Variants in DCAF5 observed in about 807,000 individuals in gnomAD.
DCAF5 encodes DDB1- and CUL4-associated factor 5.
A neutral mutation model predicts 80.7 loss-of-function variants in DCAF5; 9 were observed. The observed-to-expected ratio is 0.11, with a 90% CI of 0.07 to 0.19. The LOEUF is 0.19. Ranked by LOEUF, DCAF5 falls within the 10% of genes least tolerant of loss-of-function variation. The pLI, the probability that DCAF5 is intolerant of heterozygous loss-of-function variation, is 1.00. For synonymous variants in DCAF5, 433 were observed against 461.9 expected, an observed-to-expected ratio of 0.94 and a Z score of 0.80; for missense variants, 842 against 1,205.7, an observed-to-expected ratio of 0.70 and a Z score of 4.47.
chr14:69,088,934 T>C (rs144148659), intron 6 of DCAF5, among the ~76,000 whole-genome samples: 1 of 152,228 alleles, frequency 6.6e-6, no homozygotes, highest in South Asian at 2.1e-4. Flanking sequence ...TCAGAGCCTA[T>C]AAATCACCTT....
chr14:69,143,578 T>TA (rs1555381607), intron 1 of DCAF5, among the ~76,000 whole-genome samples: 1 of 148,538 alleles, frequency 6.7e-6, no homozygotes, highest in South Asian at 2.1e-4. Context: ...TTTTTTTTTT[T>TA]ACAAACAGCA....
chr14:69,102,591 G>GACACACACACAC (rs143602483), intron 5 of DCAF5, among the ~76,000 whole-genome samples: 1,413 of 124,886 alleles, frequency 0.011, 20 homozygotes, highest in African/African-American at 0.033. Context: ...TAAAAACAAA[G>GACACACACACAC]ACACACACAC....
intron 1 of DCAF5, among the ~76,000 whole-genome samples, chr14:69,140,980 A>T (rs2041353685): frequency 6.6e-6 from 1 of 151,882 alleles, no homozygotes; most frequent in South Asian, 2.1e-4. Flanking sequence ...CTAAAAGTAC[A>T]AAAATTAGCC....
chr14:69,112,902 C>T (rs10083451), intron 5 of DCAF5, among the ~76,000 whole-genome samples: 47,189 of 152,042 alleles, frequency 0.31, 9,483 homozygotes, highest in East Asian at 0.9. Flanking sequence ...GCCTATACTT[C>T]CTACACTAAA....
intron 5 of DCAF5, among the ~76,000 whole-genome samples, chr14:69,111,336 G>A (rs1226552046): frequency 6.6e-6 from 1 of 152,182 alleles, no homozygotes; most frequent in East Asian, 1.9e-4. Context: ...GTAGGAACTT[G>A]CTCTCATTGC....
intron 1 of DCAF5, among the ~76,000 whole-genome samples, chr14:69,127,621 G>A (rs1056340674): frequency 2.9e-4 from 44 of 152,094 alleles, no homozygotes; most frequent in African/African-American, 9.9e-4. Context: ...GAACTCTAAG[G>A]TTCATTTTTT....
rs1457886155 is a variant in DCAF5, at chr14:69,153,044, T to C, written c.-66A>G. The stretch of plus-strand genomic sequence containing the variant: ...CCTCGGCCTCACGCGCGGCCGCTGC[T>C]CCCCCCACCCGGCCCTCCCCCCGCG... On this transcript the variant is annotated 5_prime_UTR_variant, in exon 1 of 9. Coordinates refer to ENST00000341516, the MANE Select transcript of DCAF5 (RefSeq NM_003861.3). The C allele has an allele frequency of 2.3e-5, 29 of 1,262,602 alleles. No homozygotes were observed. The highest frequency in any genetic ancestry group is 3.0e-5 in the Non-Finnish European group (29 of 968,142). 78.2% of individuals were successfully genotyped at this position (1,262,602 alleles called of 1,614,324 possible). A position where few individuals can be genotyped will look rare whatever the true frequency, so the allele number is the denominator to read the frequency against.
At chr14:69,091,570 T>C (rs562065126) in intron 6 of DCAF5, 104 bp downstream of exon 6, 108 of 1,067,326 alleles carry the variant, frequency 1.0e-4, no homozygotes, top group Non-Finnish European at 1.4e-4. Flanking sequence ...TCCCCTTAAT[T>C]GTTTCTACCT....
At position 69,118,072 on chromosome 14, in the gene DCAF5, G is replaced by C; in HGVS notation, c.535+67C>G. 1.3e-6 allele frequency: 2 copies of C among 1,586,106 alleles called. No individual in the cohort carries two copies. The highest frequency in any genetic ancestry group is 1.1e-5 in the South Asian group (1 of 88,540). On this transcript the variant is annotated intron_variant, in intron 4 of 8. Coordinates refer to ENST00000341516, the MANE Select transcript of DCAF5 (RefSeq NM_003861.3). This position sits in a 1 kb window ranked among gnomAD's most constrained non-coding sequence, Gnocchi z 4.0. ...ACATAGATACTGAGGTAATAAATTGGATCTTCAATGAATCTGACATCAAAC... is the reference window on the plus strand; with the variant it reads ...ACATAGATACTGAGGTAATAAATTGCATCTTCAATGAATCTGACATCAAAC...
chr14:69,153,077 C>A lies in DCAF5; in HGVS notation c.-99G>T. On this transcript the variant is annotated 5_prime_UTR_variant, in exon 1 of 9. Coordinates refer to ENST00000341516, the MANE Select transcript of DCAF5 (RefSeq NM_003861.3). ...CCCGGCCCTCCCCCCGCGCTGCGAT[C>A]CGGATGGTTCTTTAACCAGCCATGG... 1 of 974,458 alleles carries A rather than the reference C, an allele frequency of 1.0e-6. No homozygotes were observed. Among genetic ancestry groups the A allele is most frequent in the Non-Finnish European group, 1.4e-6 (1 of 711,578 alleles). The allele number at this position is 974,458 out of a possible 1,614,324, so 60.4% of individuals were successfully genotyped here. A position where few individuals can be genotyped will look rare whatever the true frequency, so the allele number is the denominator to read the frequency against.
chr14:69,067,860 C>CT (rs1195905924), intron 7 of DCAF5, among the ~76,000 whole-genome samples: 2 of 152,118 alleles, frequency 1.3e-5, no homozygotes, highest in Non-Finnish European at 2.9e-5. Context: ...TGGTCTCAAT[C>CT]TCTTGACCTC....
rs1245042163 is a variant in DCAF5 at position 69,051,972 on chromosome 14, G to A, written c.*1885C>T. ...TTACAATTATCTGTGAATAGTCAAA[G>A]ACAAATCATAGAACCAATCTGATTA... On this transcript the variant is annotated 3_prime_UTR_variant, in exon 9 of 9. Transcript: ENST00000341516. The A allele has an allele frequency of 6.6e-6, 1 of 152,536 alleles. No homozygotes were observed. The highest frequency in any genetic ancestry group is 1.5e-5 in the Non-Finnish European group (1 of 68,024). The allele number at this position is 152,536 out of a possible 1,614,324, so 9.4% of individuals were successfully genotyped here. A position where few individuals can be genotyped will look rare whatever the true frequency, so the allele number is the denominator to read the frequency against.
chr14:69,143,336 T>C (rs568928922), intron 1 of DCAF5, among the ~76,000 whole-genome samples: 75 of 152,292 alleles, frequency 4.9e-4, no homozygotes, highest in South Asian at 1.0e-3. Flanking sequence ...AGACCCAACC[T>C]GGAAATCTAG....
At chr14:69,143,805 T>C (rs1444701645) in intron 1 of DCAF5, 2 of 152,296 alleles carry the variant, frequency 1.3e-5, no homozygotes, top group Admixed American at 6.5e-5. Context: ...ATCATGGTTA[T>C]AAAAAAATCT....
intron 1 of DCAF5, 67 bp from the exon 2 acceptor site, chr14:69,122,427 C>A: frequency 6.4e-7 from 1 of 1,553,550 alleles, no homozygotes; most frequent in Non-Finnish European, 8.8e-7. Context: ...ATGGTTTTGC[C>A]AGCCTTGAAT....
intron 1 of DCAF5, among the ~76,000 whole-genome samples, chr14:69,130,303 G>T (rs751288417): frequency 2.0e-5 from 3 of 152,130 alleles, no homozygotes; most frequent in Non-Finnish European, 4.4e-5. Context: ...CAGAAGTCTG[G>T]TTAAAATTAT....
intron 1 of DCAF5, among the ~76,000 whole-genome samples, chr14:69,125,136 C>T (rs2040837299): frequency 6.6e-6 from 1 of 152,136 alleles, no homozygotes. Context: ...TATTCTATAG[C>T]CCCGACTCTT....
intron 8 of DCAF5, among the ~76,000 whole-genome samples, chr14:69,060,426 T>C (rs2038162048): frequency 6.6e-6 from 1 of 152,162 alleles, no homozygotes; most frequent in African/African-American, 2.4e-5. Context: ...CACGGGGAAA[T>C]GTGTGCTGCA....
Position 69,118,372 on chromosome 14 carries a change from A to G in DCAF5, c.396-94T>C, listed in dbSNP as rs2040603407. 2 of 1,365,810 alleles carry G rather than the reference A, an allele frequency of 1.5e-6. No individual in the cohort carries two copies. Among genetic ancestry groups the G allele is most frequent in the East Asian group, 2.4e-5 (1 of 42,040 alleles). The allele number at this position is 1,365,810 out of a possible 1,614,324, so 84.6% of individuals were successfully genotyped here. A position where few individuals can be genotyped will look rare whatever the true frequency, so the allele number is the denominator to read the frequency against. On this transcript the variant is annotated intron_variant, in intron 3 of 8. Transcript: ENST00000341516. This position sits in a 1 kb window ranked among gnomAD's most constrained non-coding sequence, Gnocchi z 4.0. ...TGGTACCGAGGGTGCCATCTTTTCC[A>G]TTTCTAGAAGAAAGTCAACCTAGCT...
Sources: gnomAD v4.1 joint callset for allele counts (sites outside exome capture counted in the v4.1 genomes callset) on GRCh38, gnomAD v4.1.1 for gene constraint, Gnocchi (gnomAD v3.1) non-coding constraint, MANE v1.5 for transcripts, NCBI Gene and HGNC (gene_info 2026-07-23, HGNC 2026-07-21) for gene names.